Variants in LSAMP observed in about 807,000 individuals in gnomAD.
LSAMP encodes limbic system-associated membrane protein.
Under a neutral mutation model 38.6 loss-of-function variants are expected in LSAMP, and 7 were observed. That is an observed-to-expected ratio of 0.18 (90% CI 0.10 to 0.34). LSAMP has a LOEUF of 0.34. Among genes scored for constraint, LSAMP ranks in the 10% least tolerant of loss-of-function variants. The pLI, the probability that LSAMP is intolerant of heterozygous loss-of-function variation, is 1.00. For synonymous variants in LSAMP, 154 were observed against 166.8 expected (o/e 0.92, Z 0.59); for missense variants, 313 against 420.0 (o/e 0.75, Z 2.23).
intron 3 of LSAMP, among the ~76,000 whole-genome samples, chr3:115,895,970 ATTG>A (rs1330625295): frequency 1.3e-5 from 2 of 152,098 alleles, no homozygotes; most frequent in African/African-American, 4.8e-5. Flanking sequence ...ATGAACATCT[ATTG>A]TTGTACAACA....
intron 1 of LSAMP, among the ~76,000 whole-genome samples, chr3:116,128,124 G>C (rs1709048497): frequency 2.0e-5 from 3 of 152,172 alleles, no homozygotes; most frequent in Non-Finnish European, 4.4e-5. Context: ...TTATGGAATA[G>C]TTTCCATGTC....
At chr3:115,989,570 C>T (rs1352465360) in intron 3 of LSAMP, among the ~76,000 whole-genome samples, 2 of 151,948 alleles carry the variant, frequency 1.3e-5, no homozygotes, top group Non-Finnish European at 2.9e-5. Context: ...TATGATCTGT[C>T]TCCTCTATAG....
intron 3 of LSAMP, among the ~76,000 whole-genome samples, chr3:115,947,932 G>C (rs1049987759): frequency 1.2e-4 from 19 of 152,342 alleles, no homozygotes; most frequent in African/African-American, 4.6e-4. Flanking sequence ...GTCAGTCTCA[G>C]AATTGCACAC....
chr3:116,143,668 G>C (rs976234512), intron 1 of LSAMP, among the ~76,000 whole-genome samples: 9 of 151,728 alleles, frequency 5.9e-5, no homozygotes, highest in Non-Finnish European at 1.2e-4. Context: ...TTCCTGCCTT[G>C]TCTTTGTTTT....
Position 116,352,976 on chromosome 3 carries a change from G to A in LSAMP, c.155+91901C>T, listed in dbSNP as rs972442723. ...AATGTAGAATTTCATACCTAACTTC[G>A]TTAAGATTCTAAATACAGGTCAGCT... On this transcript the variant is annotated intron_variant, in intron 1 of 6. Transcript: ENST00000490035. Among the ~76,000 whole-genome samples, 6 of 152,150 alleles carry A rather than the reference G, an allele frequency of 3.9e-5. No individual in the cohort carries two copies. In the South Asian group the frequency reaches 8.3e-4, roughly 21 times the overall value.
At position 116,342,322 on chromosome 3, in the gene LSAMP, T is replaced by C. The variant is rs576493183; in HGVS notation, c.155+102555A>G. On this transcript the variant is annotated intron_variant, in intron 1 of 6. Coordinates refer to ENST00000490035, the MANE Select transcript of LSAMP (RefSeq NM_002338.5). ...ACTAAATTGAATGTCCTCATCCTTA[T>C]TTCCAGAATGCACATCAAATCTTTC... Among the ~76,000 whole-genome samples, 33 of 152,176 alleles carry C rather than the reference T, an allele frequency of 2.2e-4. No individual in the cohort carries two copies. In the South Asian group the frequency reaches 6.0e-3, roughly 28 times the overall value.
intron 1 of LSAMP, among the ~76,000 whole-genome samples, chr3:116,197,802 T>G (rs746520345): frequency 2.0e-5 from 3 of 152,160 alleles, no homozygotes; most frequent in Non-Finnish European, 2.9e-5. Context: ...GATCCTTGCT[T>G]CCAATGATAT....
chr3:116,118,070 G>T (rs1477713782), intron 1 of LSAMP, among the ~76,000 whole-genome samples: 3 of 152,108 alleles, frequency 2.0e-5, no homozygotes, highest in African/African-American at 7.2e-5. Flanking sequence ...GGCTGAGATT[G>T]GGTGTGGGTA....
rs1317228348 is a variant in LSAMP, at chr3:116,304,729, A to C, written c.155+140148T>G. ...TGGAGAACATCAAGAATACTATCAT[A>C]ATAGCCCCAGTGCCTGCTGATGTGC... On this transcript the variant is annotated intron_variant, in intron 1 of 6. Coordinates refer to ENST00000490035, the MANE Select transcript of LSAMP (RefSeq NM_002338.5). Among the ~76,000 whole-genome samples, 6 of 152,152 alleles carry C rather than the reference A, an allele frequency of 3.9e-5. No individual in the cohort carries two copies. In the East Asian group the frequency reaches 1.2e-3, roughly 29 times the overall value.
At chr3:116,102,321 T>G (rs1479914647) in intron 1 of LSAMP, among the ~76,000 whole-genome samples, 1 of 152,186 alleles carries the variant, frequency 6.6e-6, no homozygotes, top group African/African-American at 2.4e-5. Flanking sequence ...AAACACAATC[T>G]CAGAATTCTG....
intron 2 of LSAMP, among the ~76,000 whole-genome samples, chr3:116,038,246 T>A (rs1941090620): frequency 6.6e-6 from 1 of 152,058 alleles, no homozygotes; most frequent in Non-Finnish European, 1.5e-5. Flanking sequence ...AAATTTTAAA[T>A]AAAATAATGC....
Position 116,176,194 on chromosome 3 carries a change from C to T in LSAMP, c.156-89638G>A, listed in dbSNP as rs150474462. 3.3e-3 allele frequency among the ~76,000 whole-genome samples: 508 copies of T among 152,102 alleles called. 2 individuals are homozygous for T. Among genetic ancestry groups the T allele is most frequent in the Non-Finnish European group, 5.2e-3 (351 of 67,980 alleles). Reference sequence around the variant, plus strand: ...GCAATTTCAGACACTTTATGGAGTACTCTATATGTGTAAAGAATTGCACCA... The same window carrying T: ...GCAATTTCAGACACTTTATGGAGTATTCTATATGTGTAAAGAATTGCACCA... On this transcript the variant is annotated intron_variant, in intron 1 of 6. Transcript: ENST00000490035.
intron 4 of LSAMP, among the ~76,000 whole-genome samples, chr3:115,849,515 C>G (rs1193216528): frequency 2.0e-5 from 3 of 151,940 alleles, no homozygotes; most frequent in Admixed American, 2.0e-4. Flanking sequence ...AGGGTCTGTT[C>G]ATTACAATAA....
At chr3:116,131,770 G>A (rs149574300) in intron 1 of LSAMP, among the ~76,000 whole-genome samples, 5 of 151,622 alleles carry the variant, frequency 3.3e-5, no homozygotes, top group African/African-American at 1.2e-4. Flanking sequence ...CCAACCCACA[G>A]TGTCAAACAG....
chr3:116,304,008 G>T (rs2047448856), intron 1 of LSAMP, among the ~76,000 whole-genome samples: 1 of 152,008 alleles, frequency 6.6e-6, no homozygotes, highest in African/African-American at 2.4e-5. Context: ...ATCCTGAAGG[G>T]GTAATAAATG....
At chr3:116,381,025 A>G (rs562174678) in intron 1 of LSAMP, among the ~76,000 whole-genome samples, 2 of 152,174 alleles carry the variant, frequency 1.3e-5, no homozygotes, top group Admixed American at 6.5e-5. Flanking sequence ...AAATGTATTT[A>G]GGTTTTCAGT....
chr3:115,822,074 G>A (rs1934258975), intron 6 of LSAMP, among the ~76,000 whole-genome samples: 1 of 152,134 alleles, frequency 6.6e-6, no homozygotes, highest in Non-Finnish European at 1.5e-5. Context: ...TTAGCAGCTT[G>A]TACTTGTAAA....
intron 6 of LSAMP, among the ~76,000 whole-genome samples, chr3:115,820,993 A>G (rs1934210836): frequency 6.6e-6 from 1 of 152,190 alleles, no homozygotes; most frequent in Non-Finnish European, 1.5e-5. Context: ...CACCTTCCTG[A>G]CTAATAAAAA....
chr3:115,907,496 C>T (rs1358858498), intron 3 of LSAMP, among the ~76,000 whole-genome samples: 1 of 152,096 alleles, frequency 6.6e-6, no homozygotes, highest in Non-Finnish European at 1.5e-5. Flanking sequence ...TCCCTGCCTC[C>T]AGAACTGTGA....
Sources: allele counts gnomAD v4.1 joint callset (sites outside exome capture counted in the v4.1 genomes callset), GRCh38; gene constraint gnomAD v4.1.1; transcripts MANE v1.5; gene names NCBI Gene and HGNC (gene_info 2026-07-23, HGNC 2026-07-21).